The following ADAM12 variants were observed in gnomAD, a reference collection of about 807,000 sequenced individuals.
ADAM12 encodes the protein ADAM metallopeptidase domain 12, also known as disintegrin and metalloproteinase domain-containing protein 12.
Under a neutral mutation model 106.4 loss-of-function variants are expected in ADAM12, and 70 were observed. The ratio of observed to expected loss-of-function variants is 0.66; its 90% CI spans 0.54 to 0.80. ADAM12 has a LOEUF of 0.80. Among genes scored for constraint, ADAM12 ranks in the 30% least tolerant of loss-of-function variants. ADAM12 has a pLI of 0.00. For missense variants in ADAM12, 1,010 were observed against 1,171.9 expected, an observed-to-expected ratio of 0.86 and a Z score of 2.02; for synonymous variants, 420 against 433.5, an observed-to-expected ratio of 0.97 and a Z score of 0.39.
At position 126,283,112 on chromosome 10, in the gene ADAM12, G is replaced by A. The variant is rs1308016698; in HGVS notation, c.187-4124C>T. The stretch of plus-strand genomic sequence containing the variant: ...AGCCCACAACCTAGATCCCTCACGT[G>A]CACAGTTCACAATAGGGTTTGTGCT... On this transcript the variant is annotated intron_variant, in intron 2 of 22. Coordinates refer to ENST00000448723, the MANE Select transcript of ADAM12 (RefSeq NM_001288973.2). Among the ~76,000 whole-genome samples the A allele has an allele frequency of 5.3e-5, 8 of 152,032 alleles. 1 individual carries two copies. In the South Asian group the frequency reaches 1.7e-3, roughly 32 times the overall value.
rs937059703 is a variant in ADAM12, at chr10:126,331,477, A to C, written c.89-968T>G. Among the ~76,000 whole-genome samples, 5 of 152,222 alleles carry C rather than the reference A, an allele frequency of 3.3e-5. No individual in the cohort carries two copies. The East Asian group carries it at 7.7e-4, about 23-fold the overall frequency. On this transcript the variant is annotated intron_variant, in intron 1 of 22. Coordinates refer to ENST00000448723, the MANE Select transcript of ADAM12 (RefSeq NM_001288973.2). ...TCCTAGACATTTTACAGTTCCCCAA[A>C]TACTTTTAAATCCACACCATTTTAT...
At chr10:126,237,023 T>C (rs1020621704) in intron 3 of ADAM12, among the ~76,000 whole-genome samples, 6 of 152,126 alleles carry the variant, frequency 3.9e-5, no homozygotes, top group African/African-American at 1.2e-4. Context: ...ACATCAGTGA[T>C]AATGCTCTCC....
At chr10:126,230,785 A>AT (rs1463360873) in intron 3 of ADAM12, among the ~76,000 whole-genome samples, 3 of 152,140 alleles carry the variant, frequency 2.0e-5, no homozygotes, top group Non-Finnish European at 4.4e-5. Context: ...TGCTGCCAAT[A>AT]TTTTTTCCAT....
rs1003332245 is a variant in ADAM12, at chr10:126,369,924, T to C, written c.88+18134A>G. 5.3e-5 allele frequency among the ~76,000 whole-genome samples: 8 copies of C among 152,162 alleles called. No homozygotes were observed. In the South Asian group the frequency reaches 6.2e-4, roughly 12 times the overall value. ...CTATAGCAATATTCACAGACCATGA[T>C]TGGATTATACAACTTGTGATTCTGT... On this transcript the variant is annotated intron_variant, in intron 1 of 22. Transcript: ENST00000448723.
At chr10:126,367,888 T>C (rs958762334) in intron 1 of ADAM12, among the ~76,000 whole-genome samples, 14 of 151,964 alleles carry the variant, frequency 9.2e-5, no homozygotes, top group African/African-American at 3.4e-4. Context: ...TACGAACTCT[T>C]TCACAAAATA....
At chr10:126,058,220 C>G (rs1954675033) in intron 14 of ADAM12, among the ~76,000 whole-genome samples, 2 of 152,240 alleles carry the variant, frequency 1.3e-5, no homozygotes, top group African/African-American at 4.8e-5. Context: ...GGCCCCAGGG[C>G]TCCTACCTGT....
At chr10:126,205,331 T>A (rs1483373228) in intron 3 of ADAM12, among the ~76,000 whole-genome samples, 1 of 147,876 alleles carries the variant, frequency 6.8e-6, no homozygotes, top group African/African-American at 2.5e-5. Flanking sequence ...AAAGTATGTT[T>A]AAAAAAAAAA....
At chr10:126,148,312 G>A (rs1956666494) in intron 4 of ADAM12, among the ~76,000 whole-genome samples, 1 of 152,178 alleles carries the variant, frequency 6.6e-6, no homozygotes, top group Admixed American at 6.5e-5. Context: ...GTGCTGACTT[G>A]AGCAGAAGAG....
At position 126,297,160 on chromosome 10, in the gene ADAM12, T is replaced by G. The variant is rs546610070; in HGVS notation, c.187-18172A>C. ...CTTCTAAGAAGTCATCTAAAGGAAA[T>G]AACTAGAAAAGTATGCACAGATATA... On this transcript the variant is annotated intron_variant, in intron 2 of 22. Transcript: ENST00000448723. 2.0e-4 allele frequency among the ~76,000 whole-genome samples: 31 copies of G among 152,290 alleles called. No homozygotes were observed. In the South Asian group the frequency reaches 2.3e-3, roughly 11 times the overall value.
intron 1 of ADAM12, among the ~76,000 whole-genome samples, chr10:126,355,618 C>T (rs1476663650): frequency 6.6e-6 from 1 of 152,210 alleles, no homozygotes; most frequent in African/African-American, 2.4e-5. Context: ...AGAGAGGATG[C>T]CTCAGGGCCC....
intron 11 of ADAM12, among the ~76,000 whole-genome samples, chr10:126,079,204 T>G (rs1017776105): frequency 6.6e-6 from 1 of 151,546 alleles, no homozygotes; most frequent in Non-Finnish European, 1.5e-5. Context: ...TTAAGTCACT[T>G]CGAAATATGT....
At chr10:126,071,367 C>T in intron 12 of ADAM12, 110 bp downstream of exon 12, 1 of 1,356,130 alleles carries the variant, frequency 7.4e-7, no homozygotes, top group Non-Finnish European at 1.0e-6. Context: ...ACTCTTCCTT[C>T]CTGAGTTCTA....
In ADAM12 at chr10:126,199,876, G is replaced by A. The variant is rs564750527; in HGVS notation, c.261-44571C>T. Reference sequence around the variant, plus strand: ...TTTGTTCTATTAACAAACATAGACAGTGTGCACCTGATCAAAGCAATGCTT... The same window carrying A: ...TTTGTTCTATTAACAAACATAGACAATGTGCACCTGATCAAAGCAATGCTT... On this transcript the variant is annotated intron_variant, in intron 3 of 22. Transcript: ENST00000448723. 2.6e-5 allele frequency among the ~76,000 whole-genome samples: 4 copies of A among 152,284 alleles called. No homozygotes were observed. The South Asian group carries it at 8.3e-4, about 32-fold the overall frequency.
At chr10:126,047,048 G>C (rs1313890949) in intron 16 of ADAM12, among the ~76,000 whole-genome samples, 1 of 152,128 alleles carries the variant, frequency 6.6e-6, no homozygotes, top group Non-Finnish European at 1.5e-5. Context: ...TTATCAAGCT[G>C]TTGTAGTGGT....
intron 14 of ADAM12, among the ~76,000 whole-genome samples, chr10:126,062,574 T>G (rs1954780452): frequency 6.6e-6 from 1 of 152,202 alleles, no homozygotes; most frequent in Non-Finnish European, 1.5e-5. Flanking sequence ...ACAGAAGGAC[T>G]AGACTGATGA....
chr10:126,099,044 A>G (rs1265295209), intron 9 of ADAM12, among the ~76,000 whole-genome samples: 1 of 152,184 alleles, frequency 6.6e-6, no homozygotes, highest in Non-Finnish European at 1.5e-5. Context: ...GAGCACCCAC[A>G]AAGCCTTGGC....
At chr10:126,121,777 G>C (rs1956120728) in intron 5 of ADAM12, among the ~76,000 whole-genome samples, 1 of 151,838 alleles carries the variant, frequency 6.6e-6, no homozygotes, top group African/African-American at 2.4e-5. Context: ...CCCATTCGTA[G>C]GTAGTATTTA....
chr10:126,018,564 T>A (rs1007755711), intron 22 of ADAM12, among the ~76,000 whole-genome samples: 1 of 152,090 alleles, frequency 6.6e-6, no homozygotes, highest in Non-Finnish European at 1.5e-5. Flanking sequence ...GTGAAGTGAG[T>A]TTTGAGCACT....
At chr10:126,046,898 A>G (rs1954340565) in intron 16 of ADAM12, among the ~76,000 whole-genome samples, 1 of 151,926 alleles carries the variant, frequency 6.6e-6, no homozygotes, top group African/African-American at 2.4e-5. Context: ...AGACTCCAAG[A>G]ATCCAGGGTT....
Sources: gnomAD v4.1 joint callset for allele counts (sites outside exome capture counted in the v4.1 genomes callset) on GRCh38, gnomAD v4.1.1 for gene constraint, MANE v1.5 for transcripts, NCBI Gene and HGNC (gene_info 2026-07-23, HGNC 2026-07-21) for gene names.